The following RBFOX1 variants were observed in gnomAD, a reference collection of about 807,000 sequenced individuals.
RBFOX1 encodes RNA binding protein fox-1 homolog 1.
In RBFOX1, 8 loss-of-function variants were observed where a neutral mutation model predicts 57.7. That is an observed-to-expected ratio of 0.14 (90% CI 0.08 to 0.25). The LOEUF is 0.25. Ranked by LOEUF, RBFOX1 falls within the 10% of genes least tolerant of loss-of-function variation. The probability of loss-of-function intolerance (pLI) is 1.00; values close to 1 mark genes in which losing one functional copy is unlikely to be tolerated. For missense variants in RBFOX1, 611 were observed against 548.5 expected, an observed-to-expected ratio of 1.11 and a Z score of -1.14; for synonymous variants, 326 against 222.4, an observed-to-expected ratio of 1.47 and a Z score of -4.15.
At chr16:6,635,777 T>A (rs987637368) in intron 2 of RBFOX1, among the ~76,000 whole-genome samples, 5 of 152,184 alleles carry the variant, frequency 3.3e-5, no homozygotes, top group African/African-American at 4.8e-5. Flanking sequence ...ACTATTTTGA[T>A]GCACTTGACC....
At chr16:6,182,023 A>C (rs950700039) in intron 1 of RBFOX1, among the ~76,000 whole-genome samples, 3 of 152,202 alleles carry the variant, frequency 2.0e-5, no homozygotes, top group Admixed American at 6.5e-5. Flanking sequence ...GTTCAGTCAC[A>C]TGGTCCCACT....
intron 4 of RBFOX1, among the ~76,000 whole-genome samples, chr16:7,156,887 C>T (rs993763279): frequency 2.6e-5 from 4 of 152,096 alleles, no homozygotes; most frequent in Middle Eastern, 3.4e-3. Context: ...TAATATTTGC[C>T]CTCCAAGAAA....
At chr16:6,939,327 G>T (rs891889258) in intron 3 of RBFOX1, among the ~76,000 whole-genome samples, 1 of 151,816 alleles carries the variant, frequency 6.6e-6, no homozygotes, top group Non-Finnish European at 1.5e-5. Flanking sequence ...AAATTACCTA[G>T]AGTCACAAAT....
intron 3 of RBFOX1, among the ~76,000 whole-genome samples, chr16:5,865,032 G>T (rs1178553879): frequency 2.0e-5 from 3 of 152,148 alleles, no homozygotes; most frequent in Admixed American, 2.0e-4. Flanking sequence ...TCCACCTAAT[G>T]GGGGGAATAA....
intron 3 of RBFOX1, among the ~76,000 whole-genome samples, chr16:6,751,676 G>A (rs1367625165): frequency 2.6e-5 from 4 of 152,126 alleles, no homozygotes; most frequent in African/African-American, 4.8e-5. Context: ...GAGTCCGTTG[G>A]TTATCATCAG....
At chr16:6,888,652 C>T (rs72770618) in intron 3 of RBFOX1, among the ~76,000 whole-genome samples, 24,302 of 152,010 alleles carry the variant, frequency 0.16, 2,073 homozygotes, top group South Asian at 0.28. Flanking sequence ...AGTATTTATA[C>T]TATTTCTGAC....
chr16:7,607,392 G>T, intron 10 of RBFOX1, 54 bp downstream of exon 10: 1 of 1,506,652 alleles, frequency 6.6e-7, no homozygotes, highest in Non-Finnish European at 9.1e-7. Context: ...AATGTGCTTT[G>T]CCTGCCAAGA....
rs1171129077 is a variant in RBFOX1, at chr16:5,748,741, C to A, written c.319-118562C>A. Among the ~76,000 whole-genome samples the A allele has an allele frequency of 9.2e-5, 14 of 152,226 alleles. 1 individual carries two copies. In the Middle Eastern group the frequency reaches 0.01, roughly 111 times the overall value. ...TTGCTTGGTAGATCTTCCTCCATCC[C>A]TTTATTTTGAGCCTATGTGTGTCTC... On this transcript the variant is annotated intron_variant, in intron 3 of 19. Transcript: ENST00000641259.
intron 1 of RBFOX1, among the ~76,000 whole-genome samples, chr16:5,442,620 C>G (rs1320522464): frequency 6.6e-6 from 1 of 152,180 alleles, no homozygotes; most frequent in Non-Finnish European, 1.5e-5. Flanking sequence ...CTCTTAAAAA[C>G]CAATTGGGCT....
chr16:6,221,826 T>C (rs545281724), intron 1 of RBFOX1, among the ~76,000 whole-genome samples: 1 of 152,296 alleles, frequency 6.6e-6, no homozygotes, highest in South Asian at 2.1e-4. Context: ...AAGAACAGTA[T>C]GGGGGAAACT....
chr16:5,436,838 A>C (rs1376475505), intron 1 of RBFOX1, among the ~76,000 whole-genome samples: 2 of 145,798 alleles, frequency 1.4e-5, no homozygotes, highest in Admixed American at 6.8e-5. Flanking sequence ...ACTCCGCTTC[A>C]AAAAAAAAAA....
intron 2 of RBFOX1, among the ~76,000 whole-genome samples, chr16:6,544,423 A>C (rs1040065223): frequency 6.6e-6 from 1 of 152,160 alleles, no homozygotes; most frequent in Non-Finnish European, 1.5e-5. Flanking sequence ...TCTTGGCTTC[A>C]CTGGTCCAGC....
chr16:6,291,584 G>C (rs1024276433), intron 1 of RBFOX1, among the ~76,000 whole-genome samples: 2 of 152,262 alleles, frequency 1.3e-5, no homozygotes, highest in Non-Finnish European at 2.9e-5. Flanking sequence ...AAGATGGAAA[G>C]CTACATACCT....
At chr16:6,284,915 G>A (rs796758861) in intron 1 of RBFOX1, among the ~76,000 whole-genome samples, 11 of 152,062 alleles carry the variant, frequency 7.2e-5, no homozygotes, top group South Asian at 2.1e-4. Context: ...AAACAAATAC[G>A]CTTCCAAATG....
chr16:7,450,857 G>A (rs927430479), intron 4 of RBFOX1, among the ~76,000 whole-genome samples: 1 of 152,146 alleles, frequency 6.6e-6, no homozygotes. Flanking sequence ...GACGGGCCCA[G>A]CATCAGCAGT....
chr16:5,703,855 AGAT>A (rs1250021945), intron 3 of RBFOX1, among the ~76,000 whole-genome samples: 1 of 152,230 alleles, frequency 6.6e-6, no homozygotes, highest in Non-Finnish European at 1.5e-5. Context: ...TACATGTTAT[AGAT>A]GATATGCAGT....
chr16:7,386,303 A>T (rs908831913), intron 4 of RBFOX1, among the ~76,000 whole-genome samples: 1 of 152,094 alleles, frequency 6.6e-6, no homozygotes, highest in Non-Finnish European at 1.5e-5. Flanking sequence ...TTACATAGCT[A>T]TACATGTGCC....
At chr16:7,169,411 T>C (rs945855851) in intron 4 of RBFOX1, among the ~76,000 whole-genome samples, 11 of 152,176 alleles carry the variant, frequency 7.2e-5, no homozygotes, top group African/African-American at 2.7e-4. Context: ...CACTGTGCAT[T>C]TGCACGATGT....
At chr16:7,331,984 C>G (rs779615767) in intron 4 of RBFOX1, among the ~76,000 whole-genome samples, 2 of 152,118 alleles carry the variant, frequency 1.3e-5, no homozygotes, top group South Asian at 4.1e-4. Flanking sequence ...TGCCTTGAAA[C>G]TCTGAGAACA....
Sources: gnomAD v4.1 joint callset for allele counts (sites outside exome capture counted in the v4.1 genomes callset) on GRCh38, gnomAD v4.1.1 for gene constraint, MANE v1.5 for transcripts, NCBI Gene and HGNC (gene_info 2026-07-23, HGNC 2026-07-21) for gene names.